BNIP3L: variants seen among roughly 807,000 people sequenced by gnomAD.
BNIP3L encodes the protein BCL2 interacting protein 3 like, also known as BCL2/adenovirus E1B 19 kDa protein-interacting protein 3-like.
In BNIP3L, 10 loss-of-function variants were observed where a neutral mutation model predicts 25.5. The ratio of observed to expected loss-of-function variants is 0.39; its 90% CI spans 0.24 to 0.67. The LOEUF is 0.67. Ranked by LOEUF, BNIP3L falls within the 30% of genes least tolerant of loss-of-function variation. BNIP3L has a pLI of 0.45. For missense variants in BNIP3L, 215 were observed against 270.9 expected (o/e 0.79, Z 1.45); for synonymous variants, 113 against 101.2 (o/e 1.12, Z -0.70).
intron 3 of BNIP3L, among the ~76,000 whole-genome samples, chr8:26,398,980 C>T (rs1806309622): frequency 6.6e-6 from 1 of 151,224 alleles, no homozygotes; most frequent in African/African-American, 2.4e-5. Context: ...CCGAATTCTA[C>T]CAGAGGTACA....
chr8:26,406,761 G>A (rs761729385), intron 3 of BNIP3L, among the ~76,000 whole-genome samples: 4 of 151,636 alleles, frequency 2.6e-5, no homozygotes, highest in Non-Finnish European at 5.9e-5. Context: ...GTTCGAGGCT[G>A]CAGTAAGCTG....
chr8:26,389,789 G>A (rs1158550708), intron 1 of BNIP3L, among the ~76,000 whole-genome samples: 1 of 152,182 alleles, frequency 6.6e-6, no homozygotes, highest in Non-Finnish European at 1.5e-5. Flanking sequence ...TTCCCAGCTA[G>A]GTCTGCCTTG....
At chr8:26,386,725 A>T (rs1563337089) in intron 1 of BNIP3L, among the ~76,000 whole-genome samples, 1 of 152,042 alleles carries the variant, frequency 6.6e-6, no homozygotes, top group Non-Finnish European at 1.5e-5. Context: ...TCTTTTTTTT[A>T]AATAGAAACA....
At chr8:26,390,425 C>T (rs1359108490) in intron 1 of BNIP3L, 1 of 985,358 alleles carries the variant, frequency 1.0e-6, no homozygotes, top group Non-Finnish European at 1.2e-6. Context: ...AGCTGATGTG[C>T]AGTTGTTTCT....
chr8:26,395,246 G>A lies in BNIP3L; in HGVS notation c.301G>A (p.Asp101Asn). 1 of 1,614,140 alleles carries A rather than the reference G, an allele frequency of 6.2e-7. No homozygotes were observed. Among genetic ancestry groups the A allele is most frequent in the Non-Finnish European group, 8.5e-7 (1 of 1,180,014 alleles). The change falls in exon 3 of 6, where the codon GAT (aspartate) becomes AAT (asparagine). Residue 101 changes from aspartate (D) to asparagine (N), a missense_variant. By Grantham distance (23) the Asp-to-Asn change is conservative. Transcript: ENST00000380629. ...SHCDSPSPQEDGQIMFDVEMH... is the reference protein window; with the variant it reads ...SHCDSPSPQENGQIMFDVEMH... The stretch of plus-strand genomic sequence containing the variant: ...CTCTTCTAGCCCTTCGCCACAAGAA[G>A]ATGGGCAGATCATGTTTGATGTGGA...
At chr8:26,395,389 C>A in intron 3 of BNIP3L, 87 bp downstream of exon 3, 1 of 1,364,578 alleles carries the variant, frequency 7.3e-7, no homozygotes, top group Non-Finnish European at 1.0e-6. Context: ...AATGTGAAGA[C>A]TTTTAGGAAT....
chr8:26,395,444 G>A (rs1806211869), intron 3 of BNIP3L, 142 bp downstream of exon 3: 1 of 927,880 alleles, frequency 1.1e-6, no homozygotes. Flanking sequence ...ATTTATTTAG[G>A]ATGATATAGT....
chr8:26,387,400 T>C (rs1325228754), intron 1 of BNIP3L, among the ~76,000 whole-genome samples: 1 of 152,224 alleles, frequency 6.6e-6, no homozygotes, highest in Non-Finnish European at 1.5e-5. Context: ...CTTCCAGCTT[T>C]TAGTTTTCAA....
At chr8:26,384,803 T>G (rs1398474963) in intron 1 of BNIP3L, among the ~76,000 whole-genome samples, 3 of 150,502 alleles carry the variant, frequency 2.0e-5, no homozygotes, top group Admixed American at 1.3e-4. Context: ...GTTCAAGCGA[T>G]TCTTCTGCCT....
At chr8:26,390,050 A>G (rs1054446982) in intron 1 of BNIP3L, among the ~76,000 whole-genome samples, 4 of 152,208 alleles carry the variant, frequency 2.6e-5, no homozygotes, top group Admixed American at 1.3e-4. Context: ...TATGAACAAA[A>G]TATACCACTA....
At chr8:26,383,478 G>T in intron 1 of BNIP3L, 1 of 1,284,934 alleles carries the variant, frequency 7.8e-7, no homozygotes, top group Non-Finnish European at 9.9e-7. Flanking sequence ...GAGCGGCGCG[G>T]GTAGCGCGGA....
intron 3 of BNIP3L, among the ~76,000 whole-genome samples, chr8:26,396,456 C>T: frequency 9.0e-6 from 1 of 110,946 alleles, no homozygotes; most frequent in African/African-American, 3.7e-5. Context: ...AGGACATCCA[C>T]ACCGAAAACC....
At position 26,383,168 on chromosome 8, in the gene BNIP3L, A is replaced by G. The variant is rs1459453584; in HGVS notation, c.38A>G (p.His13Arg). ...CTAGTCGAGCCGCCGCCGCCCCTGC[A>G]CAACAACAACAACAACTGCGAGGAA... The part of the protein sequence containing the change: ...SHLVEPPPPL[H>R]NNNNNCEENE... Residue 13 changes from histidine (H) to arginine (R), a missense_variant, in exon 1 of 6, where the codon CAC becomes CGC. His to Arg is a conservative substitution (Grantham distance 29). Transcript: ENST00000380629. The G allele has an allele frequency of 1.9e-6, 3 of 1,576,708 alleles. No individual in the cohort carries two copies. The highest frequency in any genetic ancestry group is 2.6e-6 in the Non-Finnish European group (3 of 1,152,068).
At chr8:26,402,101 G>C (rs1055336532) in intron 3 of BNIP3L, among the ~76,000 whole-genome samples, 1 of 152,140 alleles carries the variant, frequency 6.6e-6, no homozygotes, top group African/African-American at 2.4e-5. Flanking sequence ...GTGTGTCTTA[G>C]ATCCACCCAG....
rs1318423814 is a variant in BNIP3L at position 26,412,763 on chromosome 8, G to A, written c.*2351G>A. Reference sequence around the variant, plus strand: ...TTAATGTTTAAAAAGCTTTACACCTGTTTACAATTTGGGGACAAAAAGGCA... The same window carrying A: ...TTAATGTTTAAAAAGCTTTACACCTATTTACAATTTGGGGACAAAAAGGCA... On this transcript the variant is annotated 3_prime_UTR_variant, in exon 6 of 6. Coordinates refer to ENST00000380629, the MANE Select transcript of BNIP3L (RefSeq NM_004331.3). 6.6e-6 allele frequency: 1 copy of A among 152,554 alleles called. No individual in the cohort carries two copies. The highest frequency in any genetic ancestry group is 1.5e-5 in the Non-Finnish European group (1 of 68,028). 9.5% of individuals were successfully genotyped at this position (152,554 alleles called of 1,614,324 possible). A position where few individuals can be genotyped will look rare whatever the true frequency, so the allele number is the denominator to read the frequency against.
At position 26,405,367 on chromosome 8, in the gene BNIP3L, C is replaced by T. The variant is rs138579567; in HGVS notation, c.358-2633C>T. The stretch of plus-strand genomic sequence containing the variant: ...TTGATTTGGGATGATTTCAGTGTTA[C>T]TCCAAAGAGCCAACTCATGATTCTG... On this transcript the variant is annotated intron_variant, in intron 3 of 5. Coordinates refer to ENST00000380629, the MANE Select transcript of BNIP3L (RefSeq NM_004331.3). Among the ~76,000 whole-genome samples the T allele has an allele frequency of 4.5e-3, 689 of 152,256 alleles. 3 individuals carry two copies. The highest frequency in any genetic ancestry group is 6.0e-3 in the Non-Finnish European group (409 of 68,004).
intron 1 of BNIP3L, among the ~76,000 whole-genome samples, chr8:26,384,727 ATTTTTTT>A (rs10598657): frequency 3.1e-5 from 3 of 97,146 alleles, no homozygotes; most frequent in South Asian, 3.6e-4. Flanking sequence ...TTTTGAGGAC[ATTTTTTT>A]TTTTTTTTTT....
At chr8:26,395,107 A>G in intron 2 of BNIP3L, 123 bp from the exon 3 acceptor site, 2 of 891,938 alleles carry the variant, frequency 2.2e-6, no homozygotes, top group Non-Finnish European at 1.7e-6. Context: ...GTTATGATAT[A>G]TTCTCTGATT....
intron 3 of BNIP3L, among the ~76,000 whole-genome samples, chr8:26,401,660 C>G (rs1325586410): frequency 6.9e-6 from 1 of 145,248 alleles, no homozygotes; most frequent in Non-Finnish European, 1.5e-5. Context: ...TGTATTAGAA[C>G]TAGACATGAA....
Sources: gnomAD v4.1 joint callset for allele counts (sites outside exome capture counted in the v4.1 genomes callset) on GRCh38, gnomAD v4.1.1 for gene constraint, MANE v1.5 for transcripts, NCBI Gene and HGNC (gene_info 2026-07-23, HGNC 2026-07-21) for gene names.